Variants in MAST4 observed in about 807,000 individuals in gnomAD.
The protein encoded by MAST4 is microtubule-associated serine/threonine-protein kinase 4.
In MAST4, 89 loss-of-function variants were observed where a neutral mutation model predicts 162.7. That is an observed-to-expected ratio of 0.55 (90% CI 0.46 to 0.65). The LOEUF (loss-of-function observed/expected upper bound fraction) is 0.65. Ranked by LOEUF, MAST4 falls within the 30% of genes least tolerant of loss-of-function variation. The pLI is 0.00. For synonymous variants in MAST4, 1,479 were observed against 1,361.1 expected (o/e 1.09, Z -1.91); for missense variants, 3,153 against 3,374.0 (o/e 0.93, Z 1.62).
chr5:66,746,828 C>G lies in MAST4; in HGVS notation c.364-12881C>G, dbSNP rs182750659. ...AAAACAGGTGATGTATATGCAAAAT[C>G]AAATTAGTATTTTCCGTGTTCTCCC... is the stretch of plus-strand genomic sequence containing the variant. On this transcript the variant is annotated intron_variant, in intron 1 of 28. Coordinates refer to ENST00000403625, the MANE Select transcript of MAST4 (RefSeq NM_001164664.2). 2.6e-5 allele frequency among the ~76,000 whole-genome samples: 4 copies of G among 152,268 alleles called. No individual in the cohort carries two copies. The East Asian group carries it at 7.7e-4, about 29-fold the overall frequency.
At chr5:66,876,967 A>G (rs1389783062) in intron 3 of MAST4, among the ~76,000 whole-genome samples, 1 of 152,214 alleles carries the variant, frequency 6.6e-6, no homozygotes, top group Non-Finnish European at 1.5e-5. Flanking sequence ...TCATACTTTT[A>G]ATGTCAATCA....
intron 4 of MAST4, among the ~76,000 whole-genome samples, chr5:67,053,308 G>A (rs1360546172): frequency 6.6e-6 from 1 of 152,190 alleles, no homozygotes; most frequent in East Asian, 1.9e-4. Flanking sequence ...TGAATATTTA[G>A]AAATGTTATC....
At chr5:67,067,633 G>A (rs1347076609) in intron 5 of MAST4, among the ~76,000 whole-genome samples, 2 of 152,170 alleles carry the variant, frequency 1.3e-5, no homozygotes, top group Non-Finnish European at 2.9e-5. Flanking sequence ...ACTTGCAGTA[G>A]TCTGTGATAT....
At chr5:66,828,233 T>C (rs1478472223) in intron 3 of MAST4, among the ~76,000 whole-genome samples, 4 of 152,170 alleles carry the variant, frequency 2.6e-5, no homozygotes, top group Admixed American at 2.6e-4. Context: ...GTAAAGGGTT[T>C]GGTGGCTGGA....
chr5:66,800,131 A>C (rs1003089884), intron 3 of MAST4, among the ~76,000 whole-genome samples: 1 of 152,226 alleles, frequency 6.6e-6, no homozygotes, highest in African/African-American at 2.4e-5. Context: ...CTTTTCTATG[A>C]TTCTTTTCAG....
At chr5:66,667,626 T>G (rs912903495) in intron 1 of MAST4, among the ~76,000 whole-genome samples, 1 of 152,216 alleles carries the variant, frequency 6.6e-6, no homozygotes, top group Non-Finnish European at 1.5e-5. Flanking sequence ...TTTGTCCTTG[T>G]TGATGCCGAG....
At position 67,166,027 on chromosome 5, in the gene MAST4, A is replaced by G. The variant is rs374916521; in HGVS notation, c.6848A>G (p.Asp2283Gly). Reference sequence around the variant, plus strand: ...CTGCACACTGACAGGGCTCCTCTAGACGCCAAGCCACAACCCACCAGTGGT... The same window carrying G: ...CTGCACACTGACAGGGCTCCTCTAGGCGCCAAGCCACAACCCACCAGTGGT... The part of the protein sequence containing the change: ...VPLHTDRAPL[D>G]AKPQPTSGGR... Residue 2283 changes from aspartate (D) to glycine (G), a missense_variant, in exon 29 of 29, where the codon GAC becomes GGC. Physicochemically the swap from Asp to Gly is moderately conservative, Grantham distance 94 (BLOSUM62 -1). Transcript: ENST00000403625. The G allele has an allele frequency of 4.3e-5, 70 of 1,613,110 alleles. No homozygotes were observed. The highest frequency in any genetic ancestry group is 5.5e-5 in the Non-Finnish European group (65 of 1,179,780).
intron 1 of MAST4, among the ~76,000 whole-genome samples, chr5:66,598,759 G>C (rs1181367747): frequency 6.6e-6 from 1 of 152,194 alleles, no homozygotes; most frequent in African/African-American, 2.4e-5. Flanking sequence ...TTTCTATTTA[G>C]CTAGGAGGGT....
At chr5:67,066,385 TATA>T (rs542974120) in intron 5 of MAST4, among the ~76,000 whole-genome samples, 2 of 151,030 alleles carry the variant, frequency 1.3e-5, no homozygotes, top group South Asian at 2.1e-4. Flanking sequence ...ATATATCTAT[TATA>T]ATATTTATAA....
At chr5:66,888,243 C>T (rs1361440835) in intron 3 of MAST4, among the ~76,000 whole-genome samples, 2 of 152,072 alleles carry the variant, frequency 1.3e-5, no homozygotes, top group Non-Finnish European at 2.9e-5. Context: ...ATATGTGTGT[C>T]ATTAATCTTC....
At position 66,999,612 on chromosome 5, in the gene MAST4, A is replaced by G. The variant is rs561258136; in HGVS notation, c.675-54792A>G. Among the ~76,000 whole-genome samples the G allele has an allele frequency of 3.3e-5, 5 of 152,184 alleles. No homozygotes were observed. In the East Asian group the frequency reaches 9.6e-4, roughly 29 times the overall value. ...TTACTTGCTTCAGACTGTATCCTTT[A>G]CACTACCTTCGGAGATTGTGTAGTT... On this transcript the variant is annotated intron_variant, in intron 4 of 28. Transcript: ENST00000403625.
Position 66,675,497 on chromosome 5 carries a change from C to A in MAST4, c.363+78479C>A, listed in dbSNP as rs556747345. Among the ~76,000 whole-genome samples the A allele has an allele frequency of 8.5e-5, 13 of 152,188 alleles. No homozygotes were observed. The South Asian group carries it at 1.9e-3, about 22-fold the overall frequency. On this transcript the variant is annotated intron_variant, in intron 1 of 28. Transcript: ENST00000403625. ...TTTTAGAAAGGCCTTTCCTGAACTC[C>A]CCCACAAGTCTCATGTCTCAAGTCT...
At chr5:66,922,867 A>G (rs546629576) in intron 4 of MAST4, among the ~76,000 whole-genome samples, 1 of 152,316 alleles carries the variant, frequency 6.6e-6, no homozygotes, top group South Asian at 2.1e-4. Context: ...GCACCTCAGC[A>G]TTCTCCAATT....
intron 4 of MAST4, among the ~76,000 whole-genome samples, chr5:67,049,063 A>ATATATATATATATATATACGTG (rs1757838401): frequency 3.0e-5 from 3 of 98,574 alleles, no homozygotes; most frequent in Non-Finnish European, 4.3e-5. Flanking sequence ...ATATATACGT[A>ATATATATATATATATATACGTG]TATATATATA....
At chr5:66,869,405 T>G (rs1175263010) in intron 3 of MAST4, among the ~76,000 whole-genome samples, 1 of 152,198 alleles carries the variant, frequency 6.6e-6, no homozygotes, top group Admixed American at 6.5e-5. Flanking sequence ...AACGGATAGA[T>G]TCTCTGTTCT....
intron 14 of MAST4, among the ~76,000 whole-genome samples, chr5:67,126,433 A>G (rs968656754): frequency 2.0e-5 from 3 of 152,148 alleles, no homozygotes; most frequent in Admixed American, 6.6e-5. Context: ...AAGGTTTAAG[A>G]AAGGGATCCA....
At chr5:66,738,700 C>T (rs1752308051) in intron 1 of MAST4, among the ~76,000 whole-genome samples, 1 of 152,202 alleles carries the variant, frequency 6.6e-6, no homozygotes, top group African/African-American at 2.4e-5. Flanking sequence ...ATGCCCTCCT[C>T]CCGGTTGAAA....
At chr5:66,958,147 GAA>G (rs1011887558) in intron 4 of MAST4, among the ~76,000 whole-genome samples, 38 of 151,134 alleles carry the variant, frequency 2.5e-4, no homozygotes, top group African/African-American at 8.7e-4. Context: ...GTGTGAAAGA[GAA>G]AGAGAGAGAG....
chr5:67,147,068 C>T (rs768807806), intron 23 of MAST4, among the ~76,000 whole-genome samples: 2 of 151,914 alleles, frequency 1.3e-5, no homozygotes, highest in African/African-American at 4.8e-5. Flanking sequence ...GGAGGGGAAT[C>T]GTGTCTAAGC....
Sources: allele counts gnomAD v4.1 joint callset (sites outside exome capture counted in the v4.1 genomes callset), GRCh38; gene constraint gnomAD v4.1.1; transcripts MANE v1.5; gene names NCBI Gene and HGNC (gene_info 2026-07-23, HGNC 2026-07-21).